PTPRR: variants seen among roughly 807,000 people sequenced by gnomAD.
The protein encoded by PTPRR is protein tyrosine phosphatase receptor type R, also known as receptor-type tyrosine-protein phosphatase R.
In PTPRR, 38 loss-of-function variants were observed where a neutral mutation model predicts 77.2. The ratio of observed to expected loss-of-function variants is 0.49; its 90% CI spans 0.38 to 0.65. PTPRR has a LOEUF of 0.65. Ranked by LOEUF, PTPRR falls within the 30% of genes least tolerant of loss-of-function variation. The probability of loss-of-function intolerance (pLI) is 0.00; values close to 1 mark genes in which losing one functional copy is unlikely to be tolerated. For synonymous variants in PTPRR, 299 were observed against 283.1 expected, an observed-to-expected ratio of 1.06 and a Z score of -0.57; for missense variants, 744 against 799.2, an observed-to-expected ratio of 0.93 and a Z score of 0.83.
chr12:70,780,605 G>C (rs1420907821), intron 2 of PTPRR, among the ~76,000 whole-genome samples: 1 of 151,802 alleles, frequency 6.6e-6, no homozygotes, highest in East Asian at 1.9e-4. Context: ...ATGCATATAT[G>C]AATATATATG....
At chr12:70,753,646 CT>C (rs1308524053) in intron 5 of PTPRR, among the ~76,000 whole-genome samples, 1 of 152,124 alleles carries the variant, frequency 6.6e-6, no homozygotes, top group African/African-American at 2.4e-5. Context: ...TACATTTATA[CT>C]TTTGTACTAT....
At chr12:70,710,029 A>G (rs1277594810) in intron 6 of PTPRR, among the ~76,000 whole-genome samples, 3 of 151,670 alleles carry the variant, frequency 2.0e-5, no homozygotes, top group Admixed American at 6.6e-5. Flanking sequence ...GAGAAAGACT[A>G]TTCACAGAAC....
At chr12:70,857,847 A>G (rs1892679700) in intron 2 of PTPRR, among the ~76,000 whole-genome samples, 2 of 152,142 alleles carry the variant, frequency 1.3e-5, no homozygotes, top group African/African-American at 4.8e-5. Context: ...AATATACTGC[A>G]AGGCAAAAGT....
chr12:70,660,842 C>T, intron 12 of PTPRR, 98 bp downstream of exon 12: 1 of 1,205,650 alleles, frequency 8.3e-7, no homozygotes, highest in Non-Finnish European at 1.1e-6. Context: ...AATTTGCCAA[C>T]AAAGTCACAT....
At chr12:70,686,038 G>T (rs1887856151) in intron 8 of PTPRR, among the ~76,000 whole-genome samples, 1 of 152,144 alleles carries the variant, frequency 6.6e-6, no homozygotes, top group Non-Finnish European at 1.5e-5. Flanking sequence ...AATACAAAAT[G>T]TTATATCCTA....
chr12:70,768,638 A>G (rs998135432), intron 2 of PTPRR, among the ~76,000 whole-genome samples: 3 of 152,220 alleles, frequency 2.0e-5, no homozygotes, highest in African/African-American at 7.2e-5. Flanking sequence ...AAAAAGAGGG[A>G]ATCCTCCCTA....
intron 2 of PTPRR, among the ~76,000 whole-genome samples, chr12:70,797,424 A>G (rs1592762970): frequency 6.6e-6 from 1 of 152,330 alleles, no homozygotes; most frequent in East Asian, 1.9e-4. Context: ...GCTTATAAAT[A>G]TATATAAGCT....
intron 10 of PTPRR, among the ~76,000 whole-genome samples, chr12:70,678,581 T>C (rs536536161): frequency 5.3e-5 from 8 of 152,290 alleles, no homozygotes; most frequent in African/African-American, 1.9e-4. Flanking sequence ...TTTTTATTGA[T>C]GTTTTGTATT....
At chr12:70,764,230 T>C (rs1385239186) in intron 3 of PTPRR, among the ~76,000 whole-genome samples, 1 of 152,126 alleles carries the variant, frequency 6.6e-6, no homozygotes, top group Non-Finnish European at 1.5e-5. Flanking sequence ...TCACCTGATA[T>C]ACTTGAAAGT....
chr12:70,789,046 G>T, intron 2 of PTPRR: 1 of 487,914 alleles, frequency 2.0e-6, no homozygotes, highest in Non-Finnish European at 3.4e-6. Flanking sequence ...GATATCCCAG[G>T]TGCTTGCTGT....
At chr12:70,829,981 C>T (rs1348910378) in intron 2 of PTPRR, among the ~76,000 whole-genome samples, 3 of 152,112 alleles carry the variant, frequency 2.0e-5, no homozygotes, top group African/African-American at 7.2e-5. Context: ...AATTGATTTG[C>T]TGAATATAAT....
At chr12:70,737,301 T>A (rs929220820) in intron 6 of PTPRR, among the ~76,000 whole-genome samples, 1 of 152,022 alleles carries the variant, frequency 6.6e-6, no homozygotes, top group Non-Finnish European at 1.5e-5. Context: ...CTGCTTGCCC[T>A]GCTTTCCTAA....
chr12:70,787,391 A>AT (rs990246457), intron 2 of PTPRR, among the ~76,000 whole-genome samples: 1 of 152,190 alleles, frequency 6.6e-6, no homozygotes, highest in African/African-American at 2.4e-5. Flanking sequence ...CGCAATAGCA[A>AT]TTTTTAAAAT....
chr12:70,740,248 G>A (rs1388961407), intron 6 of PTPRR, among the ~76,000 whole-genome samples: 1 of 152,120 alleles, frequency 6.6e-6, no homozygotes, highest in African/African-American at 2.4e-5. Context: ...AATGAGAGCT[G>A]GGTCCAAGGT....
chr12:70,672,035 C>T, intron 10 of PTPRR: 6 of 1,327,748 alleles, frequency 4.5e-6, no homozygotes, highest in Non-Finnish European at 6.5e-6. Flanking sequence ...CCTGGTGGGG[C>T]CTCACTTGGG....
intron 2 of PTPRR, among the ~76,000 whole-genome samples, chr12:70,886,272 GA>G (rs1565730477): frequency 6.6e-6 from 1 of 152,188 alleles, no homozygotes; most frequent in East Asian, 1.9e-4. Context: ...AATAGCTGGG[GA>G]AATCTGAGCA....
chr12:70,639,167 G>T lies in PTPRR; in HGVS notation c.*17C>A. On this transcript the variant is annotated 3_prime_UTR_variant, in exon 14 of 14. Coordinates refer to ENST00000283228, the MANE Select transcript of PTPRR (RefSeq NM_002849.4). ...AATCACCCCAAGAGATTGATGGTCT[G>T]ACAAGTCTTCAATGACTCACTGGAC... The T allele has an allele frequency of 6.2e-7, 1 of 1,604,880 alleles. No homozygotes were observed. Among genetic ancestry groups the T allele is most frequent in the Non-Finnish European group, 8.5e-7 (1 of 1,173,918 alleles).
intron 2 of PTPRR, among the ~76,000 whole-genome samples, chr12:70,843,513 T>C (rs1380925353): frequency 1.3e-5 from 2 of 152,160 alleles, no homozygotes; most frequent in Non-Finnish European, 2.9e-5. Flanking sequence ...TAATGAACTC[T>C]CCAATTGCTC....
At chr12:70,672,238 G>A (rs1244401241) in intron 10 of PTPRR, 3 of 1,590,002 alleles carry the variant, frequency 1.9e-6, no homozygotes, top group Admixed American at 3.4e-5. Flanking sequence ...GGCCAGATAA[G>A]GTGGTGTGTG....
Sources: allele counts gnomAD v4.1 joint callset (sites outside exome capture counted in the v4.1 genomes callset), GRCh38; gene constraint gnomAD v4.1.1; transcripts MANE v1.5; gene names NCBI Gene and HGNC (gene_info 2026-07-23, HGNC 2026-07-21).